SLC26A1: variants seen among roughly 807,000 people sequenced by gnomAD.
SLC26A1 encodes solute carrier family 26 member 1, also known as sulfate anion transporter 1.
SLC26A1 carries 18 observed loss-of-function variants against 14.5 expected under a neutral mutation model. That is an observed-to-expected ratio of 1.24 (90% confidence interval 0.86 to 1.84). The LOEUF (loss-of-function observed/expected upper bound fraction) is 1.84, where lower values mean the gene tolerates loss of function less well. Ranked by LOEUF, SLC26A1 falls within the 40% of genes most tolerant of loss-of-function variation. The probability of loss-of-function intolerance (pLI) is 0.00; values close to 1 mark genes in which losing one functional copy is unlikely to be tolerated. For missense variants in SLC26A1, 1,049 were observed against 1,020.0 expected (o/e 1.03, Z -0.39); for synonymous variants, 505 against 492.0 (o/e 1.03, Z -0.35).
At chr4:984,509 C>T (rs908384411), downstream of SLC26A1, among the ~76,000 whole-genome samples, 2 of 152,188 alleles carry the variant, frequency 1.3e-5, no homozygotes, top group Admixed American at 1.3e-4. Flanking sequence ...CATTCACAAC[C>T]GTGATGCAAT....
intron 2 of SLC26A1, 40 bp downstream of exon 2, chr4:991,088 T>G (rs765774881): frequency 2.7e-6 from 4 of 1,495,308 alleles, no homozygotes; most frequent in Non-Finnish European, 3.6e-6. Flanking sequence ...TAAGGGGGGG[T>G]GCCCTGGGCC....
At chr4:985,310 C>T (rs1713671636), downstream of SLC26A1, among the ~76,000 whole-genome samples, 1 of 152,270 alleles carries the variant, frequency 6.6e-6, no homozygotes. Flanking sequence ...AAAGCGGGCC[C>T]CGCCCCCTCC....
At chr4:983,172 A>G (rs1022964237), downstream of SLC26A1, among the ~76,000 whole-genome samples, 10 of 152,244 alleles carry the variant, frequency 6.6e-5, no homozygotes, top group Non-Finnish European at 1.3e-4. Flanking sequence ...GTTACGATTC[A>G]TTAGGTTTAT....
chr4:991,927 G>A, intron 1 of SLC26A1, 197 bp from the exon 2 acceptor site: 1 of 986,308 alleles, frequency 1.0e-6, no homozygotes, highest in Non-Finnish European at 1.5e-6. Context: ...GCTGGATCCA[G>A]AATCCATCGT....
downstream of SLC26A1, among the ~76,000 whole-genome samples, chr4:987,443 A>G (rs1713823067): frequency 6.6e-6 from 1 of 152,060 alleles, no homozygotes; most frequent in Non-Finnish European, 1.5e-5. Context: ...CGCCCCCTGC[A>G]GCCCAGGCCG....
Position 990,030 on chromosome 4 carries a change from T to C in SLC26A1, c.909A>G (p.Thr303=), listed in dbSNP as rs775847920. 9 of 1,594,002 alleles carry C rather than the reference T, an allele frequency of 5.6e-6. No individual in the cohort carries two copies. The South Asian group carries it at 6.8e-5, about 12-fold the overall frequency. The part of the protein sequence containing the change: ...PTELLVIVVA[T]LVSHFGQLHK... ...GGAGCTGCCCGAAGTGCGACACGAG[T>C]GTGGCCACCACGATGACCAGCAGCT... Residue 303 remains threonine (T), a synonymous_variant, in exon 3 of 3, where the codon ACA becomes ACG. Coordinates refer to ENST00000398516, the MANE Select transcript of SLC26A1 (RefSeq NM_022042.4).
At chr4:987,340 C>T, downstream of SLC26A1, 2 of 1,198,342 alleles carry the variant, frequency 1.7e-6, no homozygotes, top group African/African-American at 1.6e-5. Context: ...CCGGAGCTCC[C>T]TCCTCTGGGG....
rs1298313784 is a variant in SLC26A1, at chr4:988,165, C to G, written c.*668G>C. 3.6e-6 allele frequency: 5 copies of G among 1,394,992 alleles called. No homozygotes were observed. Among genetic ancestry groups the G allele is most frequent in the Non-Finnish European group, 4.6e-6 (5 of 1,076,046 alleles). The allele number at this position is 1,394,992 out of a possible 1,614,324, so 86.4% of individuals were successfully genotyped here. A position where few individuals can be genotyped will look rare whatever the true frequency, so the allele number is the denominator to read the frequency against. ...CACGGTGGGCTTCCTGCAGGTCTCC[C>G]TGCAGGCTCAGGGTTGGCTGCGCCG... is the stretch of plus-strand genomic sequence containing the variant. On this transcript the variant is annotated 3_prime_UTR_variant, in exon 3 of 3. Transcript: ENST00000398516.
At chr4:979,366 C>T (rs777224652) in exon 3 of SLC26A1, 31 of 1,151,094 alleles carry the variant, frequency 2.7e-5, no homozygotes, top group Non-Finnish European at 3.5e-5. Context: ...GTGAGGGTCC[C>T]GCATTCTCGA....
rs1200621802 is a variant in SLC26A1, at chr4:988,911, C to A, written c.2028G>T (p.Leu676=). 6.2e-7 allele frequency: 1 copy of A among 1,605,130 alleles called. No individual in the cohort carries two copies. Among genetic ancestry groups the A allele is most frequent in the South Asian group, 1.1e-5 (1 of 89,794 alleles). The change falls in exon 3 of 3, where the codon CTG becomes CTT. Residue 676 remains leucine, a synonymous_variant. Transcript: ENST00000398516. The part of the protein sequence containing the change: ...GPGDTAEEEQ[L]FLSVHDAVQT... ...GCACGGCATCGTGCACACTGAGGAA[C>A]AGCTGCTCCTCCTCAGCCGTGTCCC...
At chr4:990,708 C>T (rs1714221704) in intron 2 of SLC26A1, 1 of 417,226 alleles carries the variant, frequency 2.4e-6, no homozygotes, top group East Asian at 4.4e-5. Context: ...ACATGGTGCC[C>T]ACTGCCCCCC....
chr4:989,568 CACCTT>C lies in SLC26A1; in HGVS notation c.1366_1370del (p.Lys456ValfsTer13). 1 of 1,591,066 alleles carries C rather than the reference CACCTT, an allele frequency of 6.3e-7. No homozygotes were observed. The highest frequency in any genetic ancestry group is 1.1e-5 in the South Asian group (1 of 87,752). ...TCCGCCACAGCCGCGGGAGGTCCCA[CACCTT>C]GCGCAGGGCCCCCCGCAGGCTGACC... On this transcript the variant is annotated frameshift_variant, in exon 3 of 3. Transcript: ENST00000398516. LOFTEE classifies it low-confidence loss of function (END_TRUNC).
At chr4:992,026 C>T in intron 1 of SLC26A1, 1 of 612,018 alleles carries the variant, frequency 1.6e-6, no homozygotes, top group Non-Finnish European at 3.1e-6. Context: ...GCACCCTGTC[C>T]AGGCTCAGCT....
chr4:988,466 G>A lies in SLC26A1; in HGVS notation c.*367C>T, dbSNP rs569725394. On this transcript the variant is annotated 3_prime_UTR_variant, in exon 3 of 3. Transcript: ENST00000398516. ...GGGCACCGGGCAGGCCTGGGCATAG[G>A]GAGTCCTCTTGGCACCTTGGAGGCT... The A allele has an allele frequency of 2.6e-5, 29 of 1,109,490 alleles. No individual in the cohort carries two copies. The highest frequency in any genetic ancestry group is 3.1e-5 in the Non-Finnish European group (28 of 907,578). The allele number at this position is 1,109,490 out of a possible 1,614,324, so 68.7% of individuals were successfully genotyped here. A position where few individuals can be genotyped will look rare whatever the true frequency, so the allele number is the denominator to read the frequency against.
Position 989,062 on chromosome 4 carries a change from C to T in SLC26A1, c.1877G>A (p.Gly626Asp), listed in dbSNP as rs1234376069. 52 of 1,587,324 alleles carry T rather than the reference C, an allele frequency of 3.3e-5. No individual in the cohort carries two copies. The highest frequency in any genetic ancestry group is 4.1e-5 in the Non-Finnish European group (48 of 1,167,484). The change falls in exon 3 of 3, where the codon GGT (glycine) becomes GAT (aspartate). Residue 626 changes from glycine to aspartate, a missense_variant. Physicochemically the swap from Gly to Asp is moderately conservative, Grantham distance 94. Transcript: ENST00000398516. ...CAPLLFLDAA[G>D]VSTLQDLRRD... Reference sequence around the variant, plus strand: ...GCGCAGGTCCTGCAGCGTGCTCACACCGGCTGCGTCTAGGAACAGCAGCGG... The same window carrying T: ...GCGCAGGTCCTGCAGCGTGCTCACATCGGCTGCGTCTAGGAACAGCAGCGG...
chr4:981,959 A>G (rs909162185), intron 2 of SLC26A1, among the ~76,000 whole-genome samples: 1 of 152,192 alleles, frequency 6.6e-6, no homozygotes, highest in African/African-American at 2.4e-5. Context: ...AGCTGGGACT[A>G]CAGGCACCCA....
downstream of SLC26A1, chr4:987,183 T>G (rs10794537): frequency 0.81 from 1,199,746 of 1,472,526 alleles, 490,912 homozygotes; most frequent in African/African-American, 0.96. Context: ...ACCTGGTGCA[T>G]GTGGACGCGG....
chr4:989,343 G>T lies in SLC26A1; in HGVS notation c.1596C>A (p.Val532=), dbSNP rs765801335. 6.2e-7 allele frequency: 1 copy of T among 1,603,688 alleles called. No individual in the cohort carries two copies. The highest frequency in any genetic ancestry group is 8.5e-7 in the Non-Finnish European group (1 of 1,175,740). ...YEDATEFEGL[V]PEPGVRVFRF... is the part of the protein sequence containing the mutation. Reference sequence around the variant, plus strand: ...GGAACACCCGCACGCCGGGCTCAGGGACGAGGCCCTCGAACTCTGTGGCAT... The same window carrying T: ...GGAACACCCGCACGCCGGGCTCAGGTACGAGGCCCTCGAACTCTGTGGCAT... Residue 532 remains valine (V), a synonymous_variant, in exon 3 of 3, where the codon GTC becomes GTA. Transcript: ENST00000398516.
At chr4:984,334 G>T (rs902648068), downstream of SLC26A1, among the ~76,000 whole-genome samples, 1 of 151,966 alleles carries the variant, frequency 6.6e-6, no homozygotes, top group Non-Finnish European at 1.5e-5. Context: ...TTTCACCCAG[G>T]TTCACCAACT....
Sources: allele counts gnomAD v4.1 joint callset (sites outside exome capture counted in the v4.1 genomes callset), GRCh38; gene constraint gnomAD v4.1.1; transcripts MANE v1.5; gene names NCBI Gene and HGNC (gene_info 2026-07-23, HGNC 2026-07-21).